Variants in NFIL3 observed in about 807,000 individuals in gnomAD.
NFIL3 encodes nuclear factor interleukin-3-regulated protein.
NFIL3 carries 5 observed loss-of-function variants against 10.0 expected under a neutral mutation model. The ratio of observed to expected loss-of-function variants is 0.50; its 90% CI spans 0.26 to 1.06. The LOEUF is 1.06. Among genes scored for constraint, NFIL3 ranks in the 50% least tolerant of loss-of-function variants. NFIL3 has a pLI of 0.13. For missense variants in NFIL3, 436 were observed against 547.6 expected (o/e 0.80, Z 2.03); for synonymous variants, 202 against 206.5 (o/e 0.98, Z 0.19).
chr9:91,427,469 G>T (rs1217294314), upstream of NFIL3, among the ~76,000 whole-genome samples: 1 of 152,180 alleles, frequency 6.6e-6, no homozygotes. Flanking sequence ...GTGACCTCCT[G>T]TCTGGTCTGG....
chr9:91,417,951 C>T lies in NFIL3; in HGVS notation c.-173+5689G>A, dbSNP rs73651441. ...ATGATAAATGAAAATATTTCAAGTT[C>T]GACAAAGGACTAGCTGAAAATTAAA... On this transcript the variant is annotated intron_variant, in intron 1 of 1. Transcript: ENST00000297689. Among the ~76,000 whole-genome samples the T allele has an allele frequency of 6.6e-3, 1,007 of 152,050 alleles. 11 individuals carry two copies. The highest frequency in any genetic ancestry group is 0.022 in the African/African-American group (918 of 41,460).
chr9:91,462,816 TG>T, the NFIL3 span, among the ~76,000 whole-genome samples: 14 of 124,070 alleles, frequency 1.1e-4, no homozygotes, highest in South Asian at 3.0e-4. Context: ...CAAGGCCCAA[TG>T]TTTTTTTTGG....
chr9:91,412,762 T>TGAACCCAG (rs889765131), intron 1 of NFIL3, among the ~76,000 whole-genome samples: 6 of 150,856 alleles, frequency 4.0e-5, no homozygotes, highest in Non-Finnish European at 2.9e-5. Flanking sequence ...GAGAATCGCT[T>TGAACCCAG]GAACCCAGGA....
chr9:91,451,746 G>C, the NFIL3 span, among the ~76,000 whole-genome samples: 2 of 152,274 alleles, frequency 1.3e-5, no homozygotes, highest in African/African-American at 4.8e-5. Flanking sequence ...GTACACATGG[G>C]CATTCATCAT....
At chr9:91,469,724 A>G in the NFIL3 span, among the ~76,000 whole-genome samples, 1 of 152,180 alleles carries the variant, frequency 6.6e-6, no homozygotes, top group Non-Finnish European at 1.5e-5. Flanking sequence ...TAATTTATTG[A>G]GAGTTTTTAG....
the NFIL3 span, among the ~76,000 whole-genome samples, chr9:91,456,172 ATAGGGTTCATTCCC>A: frequency 3.9e-5 from 6 of 152,300 alleles, no homozygotes; most frequent in African/African-American, 1.4e-4. Flanking sequence ...ATTGATGGAC[ATAGGGTTCATTCCC>A]TGCTTTGGGC....
chr9:91,465,985 G>T, the NFIL3 span, among the ~76,000 whole-genome samples: 1 of 152,038 alleles, frequency 6.6e-6, no homozygotes, highest in Non-Finnish European at 1.5e-5. Context: ...TGGTGTGTGT[G>T]TGTGTGTATG....
chr9:91,454,331 C>T, the NFIL3 span, among the ~76,000 whole-genome samples: 4 of 151,098 alleles, frequency 2.6e-5, no homozygotes, highest in Non-Finnish European at 4.4e-5. Context: ...AAAATTATTT[C>T]TATTCCATGG....
the NFIL3 span, among the ~76,000 whole-genome samples, chr9:91,462,666 A>G: frequency 1.3e-5 from 2 of 151,888 alleles, no homozygotes; most frequent in Admixed American, 1.3e-4. Context: ...TTTTCTTATA[A>G]TATCTTTCTC....
At chr9:91,479,076 C>T in the NFIL3 span, among the ~76,000 whole-genome samples, 1,042 of 152,278 alleles carry the variant, frequency 6.8e-3, 10 homozygotes, top group African/African-American at 0.023. Context: ...ATGAGGTGTC[C>T]GTCAACCCCT....
the NFIL3 span, among the ~76,000 whole-genome samples, chr9:91,473,753 C>A: frequency 6.6e-6 from 1 of 152,234 alleles, no homozygotes; most frequent in Non-Finnish European, 1.5e-5. Flanking sequence ...GAACCAGGTA[C>A]CTCAGTTAGA....
intron 1 of NFIL3, among the ~76,000 whole-genome samples, chr9:91,415,919 G>A (rs1479837344): frequency 6.6e-6 from 1 of 152,172 alleles, no homozygotes; most frequent in African/African-American, 2.4e-5. Context: ...GAGCCGTCAC[G>A]CCTGGCTCCT....
At chr9:91,419,672 C>T (rs193055939) in intron 1 of NFIL3, among the ~76,000 whole-genome samples, 1 of 152,310 alleles carries the variant, frequency 6.6e-6, no homozygotes, top group Admixed American at 6.5e-5. Context: ...ATAACAGAGC[C>T]CCTCAACACT....
chr9:91,432,335 C>T, the NFIL3 span, among the ~76,000 whole-genome samples: 6 of 152,160 alleles, frequency 3.9e-5, no homozygotes, highest in Admixed American at 6.5e-5. Flanking sequence ...ATGTACTTCC[C>T]CTATTTCTCT....
chr9:91,477,648 A>G, the NFIL3 span, among the ~76,000 whole-genome samples: 1 of 152,200 alleles, frequency 6.6e-6, no homozygotes, highest in African/African-American at 2.4e-5. Context: ...AGTACTGGGG[A>G]AAAAATTTCA....
At chr9:91,416,087 G>A (rs1833650785) in intron 1 of NFIL3, among the ~76,000 whole-genome samples, 1 of 151,342 alleles carries the variant, frequency 6.6e-6, no homozygotes, top group Non-Finnish European at 1.5e-5. Context: ...TAACCTCCTG[G>A]CTATTCTAAT....
At chr9:91,438,135 A>C in the NFIL3 span, among the ~76,000 whole-genome samples, 1 of 152,178 alleles carries the variant, frequency 6.6e-6, no homozygotes, top group African/African-American at 2.4e-5. Context: ...AGCACTATGC[A>C]AGCCTTCCCT....
the NFIL3 span, among the ~76,000 whole-genome samples, chr9:91,456,589 C>T: frequency 1.3e-5 from 2 of 151,908 alleles, no homozygotes; most frequent in African/African-American, 4.8e-5. Context: ...TAGAGTTTTT[C>T]ATTCTGGATG....
chr9:91,449,746 C>G, the NFIL3 span, among the ~76,000 whole-genome samples: 2 of 151,974 alleles, frequency 1.3e-5, no homozygotes, highest in East Asian at 3.8e-4. Flanking sequence ...GTTTCCTCTC[C>G]TCTTCTATTT....
Sources: gnomAD v4.1 joint callset for allele counts (sites outside exome capture counted in the v4.1 genomes callset) on GRCh38, gnomAD v4.1.1 for gene constraint, MANE v1.5 for transcripts, NCBI Gene and HGNC (gene_info 2026-07-23, HGNC 2026-07-21) for gene names.